The following GLRB variants were observed in gnomAD, a reference collection of about 807,000 sequenced individuals.
GLRB encodes the protein glycine receptor beta.
Under a neutral mutation model 54.2 loss-of-function variants are expected in GLRB, and 33 were observed. The ratio of observed to expected loss-of-function variants is 0.61; its 90% CI spans 0.46 to 0.81. The LOEUF is 0.81. GLRB is among the 40% of genes least tolerant of loss of function. The pLI is 0.00. For missense variants in GLRB, 572 were observed against 584.6 expected, an observed-to-expected ratio of 0.98 and a Z score of 0.22; for synonymous variants, 209 against 208.2, an observed-to-expected ratio of 1.00 and a Z score of -0.03.
At chr4:157,119,604 T>C (rs1735729025) in intron 2 of GLRB, among the ~76,000 whole-genome samples, 1 of 151,668 alleles carries the variant, frequency 6.6e-6, no homozygotes, top group African/African-American at 2.4e-5. Flanking sequence ...TGTTAAAATA[T>C]ATATATTTTT....
chr4:157,163,935 G>A (rs942981128), intron 9 of GLRB, among the ~76,000 whole-genome samples: 5 of 151,810 alleles, frequency 3.3e-5, no homozygotes, highest in African/African-American at 9.7e-5. Context: ...CCTGGATGTA[G>A]AAGTCCTCTA....
At chr4:157,094,899 A>T (rs1734747958) in intron 2 of GLRB, among the ~76,000 whole-genome samples, 1 of 152,242 alleles carries the variant, frequency 6.6e-6, no homozygotes, top group South Asian at 2.1e-4. Flanking sequence ...TACCAAAAAA[A>T]TACGTACAAG....
chr4:157,170,938 G>T lies in GLRB; in HGVS notation c.*210G>T, dbSNP rs1218392444. 1 of 441,722 alleles carries T rather than the reference G, an allele frequency of 2.3e-6. No homozygotes were observed. The highest frequency in any genetic ancestry group is 4.0e-6 in the Non-Finnish European group (1 of 249,078). 27.4% of individuals were successfully genotyped at this position (441,722 alleles called of 1,614,324 possible). A position where few individuals can be genotyped will look rare whatever the true frequency, so the allele number is the denominator to read the frequency against. On this transcript the variant is annotated 3_prime_UTR_variant, in exon 10 of 10. Transcript: ENST00000264428. ...TAATAACGATGTATATATGTATAGT[G>T]AACATATTGCTTAGTAACAAATGAA... is the stretch of plus-strand genomic sequence containing the variant.
chr4:157,126,828 G>A (rs1736031635), intron 4 of GLRB, among the ~76,000 whole-genome samples: 1 of 151,900 alleles, frequency 6.6e-6, no homozygotes, highest in Non-Finnish European at 1.5e-5. Context: ...CTATACACTG[G>A]CACTTTGACT....
chr4:157,116,717 A>C (rs1389920052), intron 2 of GLRB, among the ~76,000 whole-genome samples: 1 of 151,772 alleles, frequency 6.6e-6, no homozygotes, highest in Non-Finnish European at 1.5e-5. Flanking sequence ...TAAGCTAAAA[A>C]ATATGATTTT....
intron 4 of GLRB, among the ~76,000 whole-genome samples, chr4:157,135,380 G>T (rs545641032): frequency 2.6e-5 from 4 of 152,038 alleles, no homozygotes; most frequent in African/African-American, 9.7e-5. Flanking sequence ...CACCCAAATG[G>T]CATCTTGAAT....
chr4:157,087,281 C>T (rs2126439502), intron 2 of GLRB, among the ~76,000 whole-genome samples: 1 of 152,120 alleles, frequency 6.6e-6, no homozygotes, highest in African/African-American at 2.4e-5. Context: ...TGGCAAAGAC[C>T]TTGTATAATA....
chr4:157,164,947 CTA>C (rs1055137627), intron 9 of GLRB, among the ~76,000 whole-genome samples: 6 of 152,074 alleles, frequency 3.9e-5, no homozygotes, highest in African/African-American at 1.4e-4. Flanking sequence ...TTTTAATTCT[CTA>C]TGTTTTTAAC....
intron 8 of GLRB, among the ~76,000 whole-genome samples, chr4:157,147,323 C>G (rs1393128600): frequency 6.6e-6 from 1 of 152,142 alleles, no homozygotes; most frequent in Non-Finnish European, 1.5e-5. Context: ...AAGTGACCAA[C>G]CAACTGTTCA....
chr4:157,078,374 G>A, intron 2 of GLRB: 1 of 253,870 alleles, frequency 3.9e-6, no homozygotes, highest in East Asian at 1.8e-4. Context: ...TCATGCCATG[G>A]GTTTATATAA....
chr4:157,108,107 A>G (rs527622160), intron 2 of GLRB, among the ~76,000 whole-genome samples: 4 of 152,218 alleles, frequency 2.6e-5, no homozygotes, highest in Non-Finnish European at 5.9e-5. Flanking sequence ...TCATTTTCAA[A>G]CATTACTGCT....
intron 8 of GLRB, among the ~76,000 whole-genome samples, chr4:157,147,032 C>G (rs141075230): frequency 1.3e-5 from 2 of 152,234 alleles, no homozygotes; most frequent in East Asian, 3.9e-4. Flanking sequence ...AGAAGATGGG[C>G]AGGCCAGGAG....
intron 9 of GLRB, among the ~76,000 whole-genome samples, chr4:157,164,985 A>G (rs1737656003): frequency 6.6e-6 from 1 of 152,178 alleles, no homozygotes; most frequent in East Asian, 1.9e-4. Flanking sequence ...ACTTGTTTGA[A>G]TTCTGAAACT....
At chr4:157,086,949 T>C (rs1320348147) in intron 2 of GLRB, among the ~76,000 whole-genome samples, 1 of 152,190 alleles carries the variant, frequency 6.6e-6, no homozygotes, top group Non-Finnish European at 1.5e-5. Context: ...TGACACTTGA[T>C]TAGAATTAGT....
At chr4:157,124,171 A>G (rs1033590968) in intron 4 of GLRB, among the ~76,000 whole-genome samples, 4 of 151,782 alleles carry the variant, frequency 2.6e-5, no homozygotes, top group African/African-American at 4.8e-5. Flanking sequence ...ACTCATCTGC[A>G]CAGACCCATC....
intron 2 of GLRB, among the ~76,000 whole-genome samples, chr4:157,106,565 G>T (rs1735232355): frequency 6.6e-6 from 1 of 152,062 alleles, no homozygotes; most frequent in Non-Finnish European, 1.5e-5. Flanking sequence ...AACAGCAGAA[G>T]ATAGGTGAAT....
chr4:157,116,644 G>C (rs1277655387), intron 2 of GLRB, among the ~76,000 whole-genome samples: 1 of 151,618 alleles, frequency 6.6e-6, no homozygotes, highest in African/African-American at 2.4e-5. Flanking sequence ...CAAAGTGACT[G>C]TATCCATTTA....
intron 2 of GLRB, among the ~76,000 whole-genome samples, chr4:157,095,684 C>CTTT (rs1734783889): frequency 6.6e-6 from 1 of 152,064 alleles, no homozygotes; most frequent in Non-Finnish European, 1.5e-5. Flanking sequence ...TTTAAAAAGA[C>CTTT]ATAAAGCTAG....
chr4:157,085,611 C>T (rs756164823), intron 2 of GLRB, among the ~76,000 whole-genome samples: 26 of 152,064 alleles, frequency 1.7e-4, no homozygotes, highest in Non-Finnish European at 3.7e-4. Context: ...ATTCTCCTGC[C>T]TCAGCCTCCC....
Sources: allele counts gnomAD v4.1 joint callset (sites outside exome capture counted in the v4.1 genomes callset), GRCh38; gene constraint gnomAD v4.1.1; transcripts MANE v1.5; gene names NCBI Gene and HGNC (gene_info 2026-07-23, HGNC 2026-07-21).